The following EPHA6 variants were observed in gnomAD, a reference collection of about 807,000 sequenced individuals.
EPHA6 encodes the protein ephrin type-A receptor 6.
Under a neutral mutation model 112.0 loss-of-function variants are expected in EPHA6, and 50 were observed. That is an observed-to-expected ratio of 0.45 (90% CI 0.36 to 0.56). EPHA6 has a LOEUF of 0.56. Ranked by LOEUF, EPHA6 falls within the 20% of genes least tolerant of loss-of-function variation. The pLI, the probability that EPHA6 is intolerant of heterozygous loss-of-function variation, is 0.00. For missense variants in EPHA6, 1,280 were observed against 1,417.4 expected (o/e 0.90, Z 1.56); for synonymous variants, 529 against 490.7 (o/e 1.08, Z -1.03).
intron 12 of EPHA6, 27 bp from the exon 13 acceptor site, chr3:97,610,766 C>G: frequency 6.3e-7 from 1 of 1,585,742 alleles, no homozygotes; most frequent in South Asian, 1.1e-5. Context: ...TGCTCTAATC[C>G]ATGTGTATTC....
At chr3:97,154,208 G>T (rs565336174) in intron 3 of EPHA6, among the ~76,000 whole-genome samples, 43 of 151,512 alleles carry the variant, frequency 2.8e-4, no homozygotes, top group African/African-American at 1.0e-3. Context: ...AAACTATTAG[G>T]GCACTGATAC....
chr3:97,138,146 A>C (rs1486290985), intron 3 of EPHA6, among the ~76,000 whole-genome samples: 1 of 152,142 alleles, frequency 6.6e-6, no homozygotes, highest in Non-Finnish European at 1.5e-5. Flanking sequence ...AGGACTTCAT[A>C]TTCTAGCTGC....
intron 11 of EPHA6, among the ~76,000 whole-genome samples, chr3:97,561,539 T>G (rs1163443690): frequency 6.6e-6 from 1 of 151,892 alleles, no homozygotes; most frequent in Non-Finnish European, 1.5e-5. Flanking sequence ...GAAACTGCAG[T>G]CAAAAATTTT....
At chr3:97,331,465 T>C (rs1174400634) in intron 5 of EPHA6, among the ~76,000 whole-genome samples, 1 of 151,880 alleles carries the variant, frequency 6.6e-6, no homozygotes, top group African/African-American at 2.4e-5. Flanking sequence ...CAGGAACTGG[T>C]TTTTTGAAAA....
At position 97,748,608 on chromosome 3, in the gene EPHA6, C is replaced by T. The variant is rs762462873; in HGVS notation, c.3300C>T (p.Val1100=). 3.7e-6 allele frequency: 6 copies of T among 1,606,844 alleles called. No individual in the cohort carries two copies. Among genetic ancestry groups the T allele is most frequent in the Non-Finnish European group, 5.1e-6 (6 of 1,174,114 alleles). The change falls in exon 18 of 18, where the codon GTC becomes GTT. Residue 1100 remains valine, a synonymous_variant. Coordinates refer to ENST00000389672, the MANE Select transcript of EPHA6 (RefSeq NM_001080448.3). ...MSIDDIRRIG[V]ILIGHQRRIV... is the part of the protein sequence containing the mutation. Reference sequence around the variant, plus strand: ...TCAGTGACATTAGAAGAATTGGAGTCATACTTATTGGACACCAGAGACGAA... The same window carrying T: ...TCAGTGACATTAGAAGAATTGGAGTTATACTTATTGGACACCAGAGACGAA...
intron 10 of EPHA6, among the ~76,000 whole-genome samples, chr3:97,513,005 T>C (rs2107596711): frequency 6.6e-6 from 1 of 152,326 alleles, no homozygotes; most frequent in Admixed American, 6.5e-5. Flanking sequence ...TAGTGTGTAC[T>C]TTCACATAGA....
chr3:97,187,703 AAGAAAGAAAG>A (rs1341229224), intron 3 of EPHA6, among the ~76,000 whole-genome samples: 3 of 142,276 alleles, frequency 2.1e-5, no homozygotes, highest in Non-Finnish European at 4.6e-5. Flanking sequence ...GAAAGAAAGA[AAGAAAGAAAG>A]AAAGAAAGAA....
intron 6 of EPHA6, among the ~76,000 whole-genome samples, chr3:97,407,541 T>C (rs1253164451): frequency 2.0e-5 from 3 of 152,044 alleles, no homozygotes; most frequent in East Asian, 3.9e-4. Flanking sequence ...AGAAAACATA[T>C]TGCTTTATGG....
At chr3:97,462,619 T>C (rs150154479) in intron 7 of EPHA6, among the ~76,000 whole-genome samples, 3 of 152,300 alleles carry the variant, frequency 2.0e-5, no homozygotes, top group African/African-American at 7.2e-5. Context: ...TTGAAAATGA[T>C]ATTTTTGGCT....
intron 2 of EPHA6, among the ~76,000 whole-genome samples, chr3:96,925,279 CT>C (rs1157331835): frequency 6.6e-6 from 1 of 152,016 alleles, no homozygotes; most frequent in Non-Finnish European, 1.5e-5. Flanking sequence ...TGACACTGGG[CT>C]TTTTTTGTTT....
rs1481976190 is a variant in EPHA6, at chr3:97,214,044, A to AGAGAGT, written c.1115-12215_1115-12214insTGAGAG. 2.2e-5 allele frequency among the ~76,000 whole-genome samples: 3 copies of AGAGAGT among 133,678 alleles called. No homozygotes were observed. In the East Asian group the frequency reaches 6.5e-4, roughly 29 times the overall value. 87.7% of individuals were successfully genotyped at this position (133,678 alleles called of 152,430 possible). On this transcript the variant is annotated intron_variant, in intron 3 of 17. Coordinates refer to ENST00000389672, the MANE Select transcript of EPHA6 (RefSeq NM_001080448.3). Reference sequence around the variant, plus strand: ...GTGTGTGTGTGTGTGTGTGTGAGAGAGAGAGAGAGAGGGAGAGGGAGTCTC... The same window carrying AGAGAGT: ...GTGTGTGTGTGTGTGTGTGTGAGAGAGAGAGTGAGAGAGAGAGGGAGAGGGAGTCTC...
At chr3:97,258,666 A>G (rs2079397023) in intron 5 of EPHA6, among the ~76,000 whole-genome samples, 1 of 152,096 alleles carries the variant, frequency 6.6e-6, no homozygotes, top group South Asian at 2.1e-4. Context: ...TTCATCATGT[A>G]TAGAGATGGG....
chr3:97,241,991 G>A (rs2078862596), intron 4 of EPHA6, among the ~76,000 whole-genome samples: 1 of 151,580 alleles, frequency 6.6e-6, no homozygotes, highest in Admixed American at 6.6e-5. Flanking sequence ...AGTCTAGGTT[G>A]GAGGTAAAAA....
At chr3:96,846,328 T>C (rs1396016762) in intron 1 of EPHA6, among the ~76,000 whole-genome samples, 1 of 152,000 alleles carries the variant, frequency 6.6e-6, no homozygotes, top group African/African-American at 2.4e-5. Context: ...AATAAATAGA[T>C]AAATAAGATA....
intron 10 of EPHA6, among the ~76,000 whole-genome samples, chr3:97,530,358 A>G (rs2092681504): frequency 6.6e-6 from 1 of 152,002 alleles, no homozygotes; most frequent in South Asian, 2.1e-4. Flanking sequence ...AATCTTAGTA[A>G]TAATAATACA....
At chr3:97,106,845 T>G (rs1337047065) in intron 3 of EPHA6, among the ~76,000 whole-genome samples, 1 of 152,058 alleles carries the variant, frequency 6.6e-6, no homozygotes, top group African/African-American at 2.4e-5. Context: ...CAAGCTACAC[T>G]CCCATCACAT....
chr3:97,295,103 C>A (rs1188814188), intron 5 of EPHA6, among the ~76,000 whole-genome samples: 1 of 151,992 alleles, frequency 6.6e-6, no homozygotes, highest in African/African-American at 2.4e-5. Context: ...GTTTCTATAT[C>A]TGGATGATTA....
chr3:97,173,308 G>A (rs887248880), intron 3 of EPHA6, among the ~76,000 whole-genome samples: 6 of 151,668 alleles, frequency 4.0e-5, no homozygotes, highest in African/African-American at 9.7e-5. Context: ...AAACAAATAC[G>A]AGCTAAAGAA....
At chr3:97,053,168 A>T (rs1195059790) in intron 3 of EPHA6, among the ~76,000 whole-genome samples, 1 of 152,114 alleles carries the variant, frequency 6.6e-6, no homozygotes, top group Non-Finnish European at 1.5e-5. Flanking sequence ...TTTATCATGG[A>T]GCCTTTTAAA....
Sources: gnomAD v4.1 joint callset for allele counts (sites outside exome capture counted in the v4.1 genomes callset) on GRCh38, gnomAD v4.1.1 for gene constraint, MANE v1.5 for transcripts, NCBI Gene and HGNC (gene_info 2026-07-23, HGNC 2026-07-21) for gene names.